The following NAT16 variants were observed in gnomAD, a reference collection of about 807,000 sequenced individuals.
NAT16 encodes the protein probable N-acetyltransferase 16.
A neutral mutation model predicts 15.9 loss-of-function variants in NAT16; 16 were observed. That is an observed-to-expected ratio of 1.01 (90% confidence interval 0.68 to 1.53). The LOEUF (loss-of-function observed/expected upper bound fraction) is 1.53. Among genes scored for constraint, NAT16 ranks in the 40% most tolerant of loss-of-function variants. The pLI is 0.00. For missense variants in NAT16, 572 were observed against 508.4 expected (o/e 1.13, Z -1.20); for synonymous variants, 260 against 241.9 (o/e 1.07, Z -0.69).
chr7:101,173,301 T>G lies in NAT16; in HGVS notation c.532A>C (p.Lys178Gln). Residue 178 changes from lysine (K) to glutamine (Q), a missense_variant, in exon 3 of 4, where the codon AAG becomes CAG. Physicochemically the swap from Lys to Gln is moderately conservative, Grantham distance 53 (BLOSUM62 1). Coordinates refer to ENST00000300303, the MANE Select transcript of NAT16 (RefSeq NM_198571.3). Reference protein sequence around the residue: ...RELKKYRLITKQGILLVRFNA... With the variant: ...RELKKYRLITQQGILLVRFNA... ...GAGCTCCCTGTCCTTCTCACCTGCT[T>G]GGTGATTAGGCGGTATTTCTTCAGC... 6.2e-7 allele frequency: 1 copy of G among 1,613,560 alleles called. No homozygotes were observed. Among genetic ancestry groups the G allele is most frequent in the East Asian group, 2.2e-5 (1 of 44,850 alleles).
rs540857589 is a variant in NAT16 at position 101,172,108 on chromosome 7, C to T, written c.1081G>A (p.Glu361Lys). ...ATGTCGGCCTCCAGCAGGTACTGTTCAGTATAACCCTTCACCAGCTCCAGT... is the reference window on the plus strand; with the variant it reads ...ATGTCGGCCTCCAGCAGGTACTGTTTAGTATAACCCTTCACCAGCTCCAGT... The part of the protein sequence containing the change: ...LGLELVKGYT[E>K]QYLLEADI Residue 361 changes from glutamate to lysine, a missense_variant, in exon 4 of 4, where the codon GAA becomes AAA. Glu to Lys is a moderately conservative substitution (Grantham distance 56). Coordinates refer to ENST00000300303, the MANE Select transcript of NAT16 (RefSeq NM_198571.3). The surrounding 1 kb of genome is among the most constrained non-coding windows in gnomAD (Gnocchi z 4.2). 18 of 1,613,784 alleles carry T rather than the reference C, an allele frequency of 1.1e-5. No homozygotes were observed. In the South Asian group the frequency reaches 1.8e-4, roughly 16 times the overall value.
chr7:101,173,220 C>T (rs890884188), intron 3 of NAT16, 76 bp downstream of exon 3: 3 of 1,324,214 alleles, frequency 2.3e-6, no homozygotes, highest in Non-Finnish European at 3.3e-6. Context: ...AGCCCGTGTT[C>T]TGCTGGGGGT....
intron 1 of NAT16, among the ~76,000 whole-genome samples, chr7:101,176,241 C>A (rs1247126065): frequency 2.0e-5 from 3 of 152,182 alleles, no homozygotes; most frequent in Non-Finnish European, 4.4e-5. Context: ...GTCAAGCCAG[C>A]CTAGCATGGC....
In NAT16 at chr7:101,173,302, G is replaced by C; in HGVS notation, c.531C>G (p.Thr177=). Reference sequence around the variant, plus strand: ...AGCTCCCTGTCCTTCTCACCTGCTTGGTGATTAGGCGGTATTTCTTCAGCT... The same window carrying C: ...AGCTCCCTGTCCTTCTCACCTGCTTCGTGATTAGGCGGTATTTCTTCAGCT... The part of the protein sequence containing the change: ...PRELKKYRLI[T]KQGILLVRFN... Residue 177 remains threonine (T), a synonymous_variant, in exon 3 of 4, where the codon ACC becomes ACG. Coordinates refer to ENST00000300303, the MANE Select transcript of NAT16 (RefSeq NM_198571.3). The C allele has an allele frequency of 6.2e-7, 1 of 1,613,698 alleles. No individual in the cohort carries two copies. The highest frequency in any genetic ancestry group is 8.5e-7 in the Non-Finnish European group (1 of 1,179,782).
chr7:101,178,588 C>A (rs60295537), intron 1 of NAT16, among the ~76,000 whole-genome samples: 3 of 151,784 alleles, frequency 2.0e-5, no homozygotes, highest in African/African-American at 7.2e-5. Context: ...GACAGCATTT[C>A]TTGGCCGGGC....
chr7:101,172,496 G>A lies in NAT16; in HGVS notation c.693C>T (p.Ser231=), dbSNP rs750903058. Residue 231 remains serine, a synonymous_variant, in exon 4 of 4, where the codon TCC becomes TCT. Coordinates refer to ENST00000300303, the MANE Select transcript of NAT16 (RefSeq NM_198571.3). The surrounding 1 kb of genome is among the most constrained non-coding windows in gnomAD (Gnocchi z 4.2). ...CGCCTGGAAGCACGTCGCGCTGCAC[G>A]GAGGGTGACAGCAGGAGGCGTGCCA... The part of the protein sequence containing the change: ...GDVARLLLSP[S]VQRDVLPGGT... 2 of 1,595,208 alleles carry A rather than the reference G, an allele frequency of 1.3e-6. No individual in the cohort carries two copies. Among genetic ancestry groups the A allele is most frequent in the Non-Finnish European group, 8.5e-7 (1 of 1,176,264 alleles).
rs191527223 is a variant in NAT16, at chr7:101,176,370, C to G, written c.-4-1559G>C. On this transcript the variant is annotated intron_variant, in intron 1 of 3. Coordinates refer to ENST00000300303, the MANE Select transcript of NAT16 (RefSeq NM_198571.3). ...ATTAGCCAAGCATGGTGGTGGACACCTGTAATCCCAGCTACTAGGGAGGCT... is the reference window on the plus strand; with the variant it reads ...ATTAGCCAAGCATGGTGGTGGACACGTGTAATCCCAGCTACTAGGGAGGCT... 7.0e-4 allele frequency among the ~76,000 whole-genome samples: 106 copies of G among 152,222 alleles called. 3 individuals carry two copies. The East Asian group carries it at 0.017, about 24-fold the overall frequency.
intron 1 of NAT16, among the ~76,000 whole-genome samples, chr7:101,178,888 T>TTAAAAA (rs1797527416): frequency 2.1e-4 from 2 of 9,328 alleles, no homozygotes; most frequent in African/African-American, 1.0e-3. Context: ...TGAAACGCTG[T>TTAAAAA]CAAAAAAAAA....
chr7:101,173,580 G>A, intron 2 of NAT16, 60 bp from the exon 3 acceptor site: 3 of 1,399,026 alleles, frequency 2.1e-6, no homozygotes, highest in Admixed American at 4.8e-5. Flanking sequence ...CAGGGCTGTC[G>A]GTTCACTGGG....
At position 101,174,694 on chromosome 7, in the gene NAT16, G is replaced by A; in HGVS notation, c.114C>T (p.Ala38=). The change falls in exon 2 of 4, where the codon GCC becomes GCT. Residue 38 remains alanine (A), a synonymous_variant. Coordinates refer to ENST00000300303, the MANE Select transcript of NAT16 (RefSeq NM_198571.3). ...SSETRPQEVE[A]EPRSGSGPEA... is the part of the protein sequence containing the mutation. ...CAGGCCCCGATCCCGACCTGGGCTCGGCCTCCACCTCCTGTGGCCGGGTTT... is the reference window on the plus strand; with the variant it reads ...CAGGCCCCGATCCCGACCTGGGCTCAGCCTCCACCTCCTGTGGCCGGGTTT... The A allele has an allele frequency of 1.2e-6, 2 of 1,613,642 alleles. No homozygotes were observed. Among genetic ancestry groups the A allele is most frequent in the Non-Finnish European group, 1.7e-6 (2 of 1,180,008 alleles).
In NAT16 at chr7:101,172,570, T is replaced by C. The variant is rs1584219457; in HGVS notation, c.619A>G (p.Thr207Ala). Residue 207 changes from threonine to alanine, a missense_variant, in exon 4 of 4, where the codon ACC (threonine) becomes GCC (alanine). By Grantham distance (58) the Thr-to-Ala change is moderately conservative. Coordinates refer to ENST00000300303, the MANE Select transcript of NAT16 (RefSeq NM_198571.3). This position sits in a 1 kb window ranked among gnomAD's most constrained non-coding sequence, Gnocchi z 4.2. ...GCCTCGGTGGGCAGCGGCGAGAAGG[T>C]GCCAGAGGTCCGCAGCGCCGCCAGC... Reference protein sequence around the residue: ...ARLAALRTSGTFSPLPTEAVS... With the variant: ...ARLAALRTSGAFSPLPTEAVS... 6.5e-7 allele frequency: 1 copy of C among 1,540,692 alleles called. No homozygotes were observed. Among genetic ancestry groups the C allele is most frequent in the Non-Finnish European group, 8.7e-7 (1 of 1,152,018 alleles).
At position 101,174,699 on chromosome 7, in the gene NAT16, C is replaced by G; in HGVS notation, c.109G>C (p.Glu37Gln). ...PSSETRPQEV[E>Q]AEPRSGSGPE... ...CCCGATCCCGACCTGGGCTCGGCCT[C>G]CACCTCCTGTGGCCGGGTTTCAGAG... The change falls in exon 2 of 4, where the codon GAG becomes CAG. Residue 37 changes from glutamate to glutamine, a missense_variant. Coordinates refer to ENST00000300303, the MANE Select transcript of NAT16 (RefSeq NM_198571.3). The G allele has an allele frequency of 6.2e-7, 1 of 1,613,574 alleles. No individual in the cohort carries two copies. Among genetic ancestry groups the G allele is most frequent in the Non-Finnish European group, 8.5e-7 (1 of 1,180,008 alleles).
rs1584219101 is a variant in NAT16 at position 101,172,355 on chromosome 7, C to A, written c.834G>T (p.Thr278=). The change falls in exon 4 of 4, where the codon ACG becomes ACT. Residue 278 remains threonine, a synonymous_variant. Coordinates refer to ENST00000300303, the MANE Select transcript of NAT16 (RefSeq NM_198571.3). The surrounding 1 kb of genome is among the most constrained non-coding windows in gnomAD (Gnocchi z 4.2). The part of the protein sequence containing the change: ...VDSRARPRVL[T]LCTRPFPIPH... ...GGATGGGGAAGGGGCGCGTGCACAG[C>A]GTGAGCACGCGCGGGCGCGCGCGGC... The A allele has an allele frequency of 5.0e-6, 8 of 1,586,346 alleles. No homozygotes were observed. Among genetic ancestry groups the A allele is most frequent in the Non-Finnish European group, 6.8e-6 (8 of 1,168,926 alleles).
rs1334217496 is a variant in NAT16, at chr7:101,173,488, G to A, written c.345C>T (p.Ala115=). Reference sequence around the variant, plus strand: ...GCCCCTCCACCAGCACCGTCTCCCCGGCGTCGATCACGTTCACCGACTCCA... The same window carrying A: ...GCCCCTCCACCAGCACCGTCTCCCCAGCGTCGATCACGTTCACCGACTCCA... ...IALESVNVID[A]GETVLVEGLR... is the part of the protein sequence containing the mutation. Residue 115 remains alanine, a synonymous_variant, in exon 3 of 4, where the codon GCC becomes GCT. Coordinates refer to ENST00000300303, the MANE Select transcript of NAT16 (RefSeq NM_198571.3). 1.2e-6 allele frequency: 2 copies of A among 1,606,872 alleles called. No homozygotes were observed. The highest frequency in any genetic ancestry group is 1.7e-5 in the Admixed American group (1 of 59,740).
intron 1 of NAT16, among the ~76,000 whole-genome samples, chr7:101,177,121 C>A (rs146884271): frequency 1.3e-5 from 2 of 152,020 alleles, no homozygotes; most frequent in Non-Finnish European, 2.9e-5. Flanking sequence ...GGATATGGAG[C>A]CAGAATTATC....
intron 1 of NAT16, among the ~76,000 whole-genome samples, chr7:101,178,341 G>A (rs1797511218): frequency 6.6e-6 from 1 of 150,610 alleles, no homozygotes; most frequent in African/African-American, 2.5e-5. Flanking sequence ...TGGAGGAGGC[G>A]AGTAATAAAA....
intron 2 of NAT16, chr7:101,173,731 T>C (rs1440753237): frequency 3.7e-6 from 2 of 540,228 alleles, no homozygotes; most frequent in East Asian, 3.2e-5. Flanking sequence ...TTTTTATTTT[T>C]ATTTATTTTA....
chr7:101,173,027 G>A (rs1797371279), intron 3 of NAT16, among the ~76,000 whole-genome samples: 1 of 152,156 alleles, frequency 6.6e-6, no homozygotes, highest in African/African-American at 2.4e-5. Flanking sequence ...GATGGCTTGG[G>A]GCCCTGAACA....
Position 101,170,888 on chromosome 7 carries a change from G to C in NAT16, c.*1191C>G, listed in dbSNP as rs1306751430. The stretch of plus-strand genomic sequence containing the variant: ...CTTTGAATGACTTAGAAGTCACTTT[G>C]ATCTTTCCCAGCCTTCTGTTTTCTC... On this transcript the variant is annotated 3_prime_UTR_variant, in exon 4 of 4. Coordinates refer to ENST00000300303, the MANE Select transcript of NAT16 (RefSeq NM_198571.3). The C allele has an allele frequency of 6.6e-6, 1 of 152,266 alleles. No individual in the cohort carries two copies. The highest frequency in any genetic ancestry group is 1.5e-5 in the Non-Finnish European group (1 of 68,088). The allele number at this position is 152,266 out of a possible 1,614,324, so 9.4% of individuals were successfully genotyped here.
Sources: gnomAD v4.1 joint callset for allele counts (sites outside exome capture counted in the v4.1 genomes callset) on GRCh38, gnomAD v4.1.1 for gene constraint, Gnocchi (gnomAD v3.1) non-coding constraint, MANE v1.5 for transcripts, NCBI Gene and HGNC (gene_info 2026-07-23, HGNC 2026-07-21) for gene names.